STAM: variants seen among roughly 807,000 people sequenced by gnomAD.
STAM encodes signal transducing adapter molecule 1.
STAM carries 16 observed loss-of-function variants against 63.4 expected under a neutral mutation model. That is an observed-to-expected ratio of 0.25 (90% CI 0.17 to 0.38). The LOEUF (loss-of-function observed/expected upper bound fraction) is 0.38. Ranked by LOEUF, STAM falls within the 10% of genes least tolerant of loss-of-function variation. The pLI is 1.00. For synonymous variants in STAM, 238 were observed against 223.9 expected (o/e 1.06, Z -0.56); for missense variants, 636 against 657.1 (o/e 0.97, Z 0.35).
intron 8 of STAM, among the ~76,000 whole-genome samples, chr10:17,697,099 A>G (rs906588240): frequency 5.3e-5 from 8 of 151,958 alleles, no homozygotes; most frequent in African/African-American, 1.7e-4. Flanking sequence ...TTGTGTGTGT[A>G]TGTATTTTTA....
chr10:17,667,735 T>G (rs1589045489), intron 2 of STAM, among the ~76,000 whole-genome samples: 1 of 152,220 alleles, frequency 6.6e-6, no homozygotes, highest in African/African-American at 2.4e-5. Context: ...TAGACTGGTA[T>G]GAGGGGGTTA....
intron 2 of STAM, 102 bp from the exon 3 acceptor site, chr10:17,684,573 C>A (rs1254836375): frequency 1.2e-6 from 1 of 819,584 alleles, no homozygotes; most frequent in Non-Finnish European, 1.9e-6. Context: ...CCTACTTTAT[C>A]ATAGTCTCCC....
At chr10:17,665,180 A>T (rs1182948584) in intron 2 of STAM, among the ~76,000 whole-genome samples, 1 of 152,044 alleles carries the variant, frequency 6.6e-6, no homozygotes, top group Non-Finnish European at 1.5e-5. Flanking sequence ...ATTTTTCTTA[A>T]TTCCTTCTCT....
chr10:17,664,749 G>C (rs1834309609), intron 2 of STAM, among the ~76,000 whole-genome samples: 1 of 152,132 alleles, frequency 6.6e-6, no homozygotes, highest in Non-Finnish European at 1.5e-5. Flanking sequence ...ATGCAGTTCA[G>C]AAGTGATTTG....
intron 1 of STAM, among the ~76,000 whole-genome samples, chr10:17,659,936 T>A (rs1377635856): frequency 1.3e-5 from 2 of 152,178 alleles, no homozygotes; most frequent in Non-Finnish European, 2.9e-5. Flanking sequence ...AATAATTTCT[T>A]AGGATAAACA....
chr10:17,644,233 C>T lies in STAM; in HGVS notation c.-107C>T, dbSNP rs1833426787. ...GGAGCTGTCGCGGACCCTGTAGAGTCGGTCTCTGTTGCTCTTTTTGCCTGA... is the reference window on the plus strand; with the variant it reads ...GGAGCTGTCGCGGACCCTGTAGAGTTGGTCTCTGTTGCTCTTTTTGCCTGA... On this transcript the variant is annotated 5_prime_UTR_variant, in exon 1 of 14. Coordinates refer to ENST00000377524, the MANE Select transcript of STAM (RefSeq NM_003473.4). 2.5e-6 allele frequency: 3 copies of T among 1,216,608 alleles called. No individual in the cohort carries two copies. The highest frequency in any genetic ancestry group is 3.6e-6 in the Non-Finnish European group (3 of 832,452). The allele number at this position is 1,216,608 out of a possible 1,614,324, so 75.4% of individuals were successfully genotyped here. A position where few individuals can be genotyped will look rare whatever the true frequency, so the allele number is the denominator to read the frequency against.
chr10:17,688,263 A>G (rs1835377285), intron 5 of STAM, 90 bp downstream of exon 5: 1 of 1,290,716 alleles, frequency 7.7e-7, no homozygotes, highest in African/African-American at 1.5e-5. Context: ...TTCCCAGGTA[A>G]TTTTTACTAC....
chr10:17,704,659 C>T (rs900002574), intron 10 of STAM, 141 bp downstream of exon 10: 1 of 709,020 alleles, frequency 1.4e-6, no homozygotes, highest in Admixed American at 2.8e-5. Context: ...CTCTCATATG[C>T]AGTTGAAACC....
chr10:17,700,296 G>A lies in STAM; in HGVS notation c.912+17G>A, dbSNP rs1564565940. ...ATTGATGAAGTAAGTGGTTTCCATGGTGATAGGAGTTGGTACTTTGTATTG... is the reference window on the plus strand; with the variant it reads ...ATTGATGAAGTAAGTGGTTTCCATGATGATAGGAGTTGGTACTTTGTATTG... On this transcript the variant is annotated intron_variant, in intron 9 of 13. Coordinates refer to ENST00000377524, the MANE Select transcript of STAM (RefSeq NM_003473.4). 1.3e-6 allele frequency: 2 copies of A among 1,569,554 alleles called. No homozygotes were observed. The highest frequency in any genetic ancestry group is 2.3e-5 in the East Asian group (1 of 44,144).
intron 5 of STAM, among the ~76,000 whole-genome samples, chr10:17,692,107 T>G (rs782241617): frequency 2.6e-5 from 4 of 152,176 alleles, no homozygotes; most frequent in African/African-American, 9.7e-5. Context: ...GGTGCTATTA[T>G]CGTAGTCATT....
intron 5 of STAM, among the ~76,000 whole-genome samples, chr10:17,688,990 A>C (rs1175266684): frequency 6.6e-6 from 1 of 152,170 alleles, no homozygotes; most frequent in Non-Finnish European, 1.5e-5. Context: ...AAGCACCTGA[A>C]GCATTTTCTC....
intron 10 of STAM, 82 bp downstream of exon 10, chr10:17,704,600 GATA>G: frequency 8.3e-7 from 1 of 1,212,028 alleles, no homozygotes; most frequent in Non-Finnish European, 1.2e-6. Flanking sequence ...GGGTTTTGAG[GATA>G]ATATTAAAAA....
intron 7 of STAM, 121 bp downstream of exon 7, chr10:17,695,362 GTATGACAGT>G: frequency 3.4e-6 from 3 of 893,266 alleles, no homozygotes; most frequent in Non-Finnish European, 4.9e-6. Flanking sequence ...ATGCTGCTCT[GTATGACAGT>G]TGGCTGATTT....
intron 9 of STAM, 77 bp from the exon 10 acceptor site, chr10:17,704,354 C>G: frequency 7.9e-7 from 1 of 1,263,820 alleles, no homozygotes; most frequent in Non-Finnish European, 1.1e-6. Context: ...AAAAGTTTGT[C>G]TAGTTGATAA....
rs536514972 is a variant in STAM at position 17,716,301 on chromosome 10, C to A, written c.*1521C>A. On this transcript the variant is annotated 3_prime_UTR_variant, in exon 14 of 14. Coordinates refer to ENST00000377524, the MANE Select transcript of STAM (RefSeq NM_003473.4). Reference sequence around the variant, plus strand: ...TTTTGAGAGAAGATTAAATCTTTAGCCAGTAATCTTAAGGGTGACTAATTT... The same window carrying A: ...TTTTGAGAGAAGATTAAATCTTTAGACAGTAATCTTAAGGGTGACTAATTT... Among the ~76,000 whole-genome samples, 1 of 151,864 alleles carries A rather than the reference C, an allele frequency of 6.6e-6. No individual in the cohort carries two copies. Among genetic ancestry groups the A allele is most frequent in the South Asian group, 2.1e-4 (1 of 4,806 alleles).
At chr10:17,681,552 C>A (rs990774074) in intron 2 of STAM, among the ~76,000 whole-genome samples, 1 of 151,876 alleles carries the variant, frequency 6.6e-6, no homozygotes, top group African/African-American at 2.4e-5. Context: ...TGTATTATTT[C>A]TAGTTCAAAT....
intron 2 of STAM, among the ~76,000 whole-genome samples, chr10:17,666,385 G>GTTTTTTTTTTTTTT (rs1425682476): frequency 1.8e-4 from 18 of 102,324 alleles, no homozygotes; most frequent in African/African-American, 6.5e-4. Flanking sequence ...CCTTGGCTTT[G>GTTTTTTTTTTTTTT]TATTTTTTTT....
intron 1 of STAM, among the ~76,000 whole-genome samples, chr10:17,649,723 C>T (rs1225550350): frequency 2.6e-5 from 4 of 152,088 alleles, no homozygotes; most frequent in Admixed American, 2.6e-4. Flanking sequence ...CTGAAGTTAT[C>T]TTTCTAAGTC....
chr10:17,644,221 A>C lies in STAM; in HGVS notation c.-119A>C, dbSNP rs1387918161. 3.6e-6 allele frequency: 4 copies of C among 1,097,680 alleles called. No individual in the cohort carries two copies. The Admixed American group carries it at 7.7e-5, about 21-fold the overall frequency. The allele number at this position is 1,097,680 out of a possible 1,614,324, so 68.0% of individuals were successfully genotyped here. A position where few individuals can be genotyped will look rare whatever the true frequency, so the allele number is the denominator to read the frequency against. On this transcript the variant is annotated 5_prime_UTR_variant, in exon 1 of 14. Coordinates refer to ENST00000377524, the MANE Select transcript of STAM (RefSeq NM_003473.4). ...TGGGTGAGAGGAGGAGCTGTCGCGGACCCTGTAGAGTCGGTCTCTGTTGCT... is the reference window on the plus strand; with the variant it reads ...TGGGTGAGAGGAGGAGCTGTCGCGGCCCCTGTAGAGTCGGTCTCTGTTGCT...
Sources: gnomAD v4.1 joint callset for allele counts (sites outside exome capture counted in the v4.1 genomes callset) on GRCh38, gnomAD v4.1.1 for gene constraint, MANE v1.5 for transcripts, NCBI Gene and HGNC (gene_info 2026-07-23, HGNC 2026-07-21) for gene names.